Variants in CDC27 observed in about 807,000 individuals in gnomAD.
CDC27 encodes cell division cycle 27, also known as cell division cycle protein 27 homolog.
A neutral mutation model predicts 109.7 loss-of-function variants in CDC27; 27 were observed. That is an observed-to-expected ratio of 0.25 (90% CI 0.18 to 0.34). The LOEUF is 0.34. Ranked by LOEUF, CDC27 falls within the 10% of genes least tolerant of loss-of-function variation. CDC27 has a pLI of 1.00. For missense variants in CDC27, 579 were observed against 960.2 expected (o/e 0.60, Z 5.25); for synonymous variants, 266 against 333.9 (o/e 0.80, Z 2.22).
intron 18 of CDC27, among the ~76,000 whole-genome samples, chr17:47,121,841 G>A (rs1329160632): frequency 6.6e-6 from 1 of 151,790 alleles, no homozygotes; most frequent in East Asian, 1.9e-4. Context: ...CTGGGTTCAA[G>A]CAATTCTCCT....
Position 47,137,325 on chromosome 17 carries a change from T to C in CDC27, c.1740A>G (p.Gln580=). Residue 580 remains glutamine (Q), a synonymous_variant, in exon 14 of 19, where the codon CAA becomes CAG. Transcript: ENST00000066544. Reference sequence around the variant, plus strand: ...ATTTAATTGCAATATCATGTTCCCGTTGCAGACTGAAACAGTTCCCTGCAG... The same window carrying C: ...ATTTAATTGCAATATCATGTTCCCGCTGCAGACTGAAACAGTTCCCTGCAG... The part of the protein sequence containing the change: ...WCAAGNCFSL[Q]REHDIAIKFF... 1.2e-6 allele frequency: 2 copies of C among 1,607,698 alleles called. No homozygotes were observed. Among genetic ancestry groups the C allele is most frequent in the Non-Finnish European group, 8.5e-7 (1 of 1,177,708 alleles).
chr17:47,184,365 C>T (rs1290554985), intron 1 of CDC27, among the ~76,000 whole-genome samples: 1 of 152,094 alleles, frequency 6.6e-6, no homozygotes, highest in Non-Finnish European at 1.5e-5. Flanking sequence ...ATAACATCTC[C>T]CCAGCATACC....
chr17:47,159,658 C>A, intron 4 of CDC27: 1 of 443,614 alleles, frequency 2.3e-6, no homozygotes, highest in South Asian at 2.3e-5. Context: ...ATTTAACACC[C>A]AGACCGACGT....
intron 9 of CDC27, among the ~76,000 whole-genome samples, chr17:47,146,084 G>A (rs1189477725): frequency 1.3e-5 from 2 of 152,156 alleles, no homozygotes; most frequent in Non-Finnish European, 2.9e-5. Flanking sequence ...TTCCTGGTTT[G>A]TAAACATACT....
chr17:47,181,472 T>C (rs1174474810), intron 2 of CDC27, 90 bp downstream of exon 2: 17 of 680,250 alleles, frequency 2.5e-5, no homozygotes, highest in Non-Finnish European at 3.3e-5. Context: ...AAGATGATGA[T>C]AGCTAGAATC....
intron 4 of CDC27, among the ~76,000 whole-genome samples, chr17:47,165,486 T>C (rs1001481171): frequency 3.3e-5 from 5 of 152,232 alleles, no homozygotes; most frequent in Non-Finnish European, 7.4e-5. Context: ...TGGTGAAATG[T>C]CCATTCAATT....
chr17:47,127,451 G>A (rs1398491857), intron 16 of CDC27, among the ~76,000 whole-genome samples: 1 of 151,842 alleles, frequency 6.6e-6, no homozygotes, highest in Non-Finnish European at 1.5e-5. Flanking sequence ...TGCCCAGGCT[G>A]GAGCGCAGTG....
chr17:47,175,082 GAAGGAAGGAAGGAAGT>G (rs774425267), intron 2 of CDC27, among the ~76,000 whole-genome samples: 4,320 of 125,102 alleles, frequency 0.035, 145 homozygotes, highest in African/African-American at 0.082. Context: ...AGGAAGGAAG[GAAGGAAGGAAGGAAGT>G]AAGTTGTAGC....
At chr17:47,138,933 A>G in intron 12 of CDC27, 42 bp from the exon 13 acceptor site, 1 of 1,294,046 alleles carries the variant, frequency 7.7e-7, no homozygotes, top group Non-Finnish European at 1.1e-6. Context: ...AGTTGATACA[A>G]TTTATATATA....
rs1052465759 is a variant in CDC27 at position 47,159,273 on chromosome 17, C to T, written c.378-970G>A. ...CTTGACGAGGTGGTCAGTGAATTCC[C>T]GATAGGGAGACTTGGTGAATACAGT... On this transcript the variant is annotated intron_variant, in intron 4 of 18. Coordinates refer to ENST00000066544, the MANE Select transcript of CDC27 (RefSeq NM_001256.6). The T allele has an allele frequency of 7.0e-5, 40 of 571,418 alleles. No homozygotes were observed. The Admixed American group carries it at 9.3e-4, about 13-fold the overall frequency. The allele number at this position is 571,418 out of a possible 1,614,324, so 35.4% of individuals were successfully genotyped here.
intron 16 of CDC27, among the ~76,000 whole-genome samples, chr17:47,125,233 A>ATT (rs2062098718): frequency 9.6e-6 from 1 of 103,920 alleles, no homozygotes; most frequent in Non-Finnish European, 2.0e-5. Flanking sequence ...CTTTAAAGAA[A>ATT]TCTTTTTTTT....
chr17:47,168,614 T>C (rs1454674225), intron 4 of CDC27, among the ~76,000 whole-genome samples: 1 of 152,188 alleles, frequency 6.6e-6, no homozygotes, highest in Non-Finnish European at 1.5e-5. Flanking sequence ...CTTGACTAAA[T>C]GACAAGAAGA....
intron 16 of CDC27, 49 bp downstream of exon 16, chr17:47,129,344 T>A (rs998003355): frequency 1.5e-6 from 2 of 1,344,318 alleles, no homozygotes; most frequent in Non-Finnish European, 1.0e-6. Flanking sequence ...AGGGATAACG[T>A]TGTTTTTAAG....
chr17:47,126,065 A>T (rs76210350), intron 16 of CDC27, among the ~76,000 whole-genome samples: 2,789 of 152,270 alleles, frequency 0.018, 39 homozygotes, highest in Middle Eastern at 0.075. Context: ...CTTTTACCTT[A>T]AAGACTTAAG....
At chr17:47,139,336 G>A (rs986545246) in intron 12 of CDC27, among the ~76,000 whole-genome samples, 1 of 147,044 alleles carries the variant, frequency 6.8e-6, no homozygotes, top group African/African-American at 2.5e-5. Flanking sequence ...GCGCAATCTC[G>A]GCTCACTGCA....
chr17:47,129,601 A>C, intron 15 of CDC27, 80 bp from the exon 16 acceptor site: 1 of 925,090 alleles, frequency 1.1e-6, no homozygotes, highest in Non-Finnish European at 1.6e-6. Flanking sequence ...CTCAAAACCA[A>C]CATAATCAAA....
intron 4 of CDC27, among the ~76,000 whole-genome samples, chr17:47,167,008 C>T (rs2063669208): frequency 6.6e-6 from 1 of 152,170 alleles, no homozygotes; most frequent in African/African-American, 2.4e-5. Flanking sequence ...ACGTGCACCA[C>T]CATGCCCGGC....
At chr17:47,171,035 C>T (rs988154267) in intron 3 of CDC27, 1 of 152,088 alleles carries the variant, frequency 6.6e-6, no homozygotes, top group African/African-American at 2.4e-5. Flanking sequence ...CAGATGGGGA[C>T]TGCAGTGAGC....
chr17:47,185,241 C>T lies in CDC27; in HGVS notation c.28-3604G>A, dbSNP rs1463518145. Among the ~76,000 whole-genome samples, 9 of 152,124 alleles carry T rather than the reference C, an allele frequency of 5.9e-5. No homozygotes were observed. The East Asian group carries it at 7.7e-4, about 13-fold the overall frequency. ...TCACCCAGGCTGGAGTGCAGTGGCG[C>T]GATCTCGGCTCACTGCAAGCTCCAC... On this transcript the variant is annotated intron_variant, in intron 1 of 18. Transcript: ENST00000066544.
Sources: gnomAD v4.1 joint callset for allele counts (sites outside exome capture counted in the v4.1 genomes callset) on GRCh38, gnomAD v4.1.1 for gene constraint, MANE v1.5 for transcripts, NCBI Gene and HGNC (gene_info 2026-07-23, HGNC 2026-07-21) for gene names.